JAZF1: variants seen among roughly 807,000 people sequenced by gnomAD.
JAZF1 encodes juxtaposed with another zinc finger protein 1.
In JAZF1, 8 loss-of-function variants were observed where a neutral mutation model predicts 26.4. That is an observed-to-expected ratio of 0.30 (90% CI 0.18 to 0.55). JAZF1 has a LOEUF of 0.55. Among genes scored for constraint, JAZF1 ranks in the 20% least tolerant of loss-of-function variants. The probability of loss-of-function intolerance (pLI) is 0.94; values close to 1 mark genes in which losing one functional copy is unlikely to be tolerated. For missense variants in JAZF1, 199 were observed against 322.0 expected, an observed-to-expected ratio of 0.62 and a Z score of 2.92; for synonymous variants, 126 against 122.3, an observed-to-expected ratio of 1.03 and a Z score of -0.20.
At chr7:27,964,166 A>C (rs1785233768) in intron 2 of JAZF1, among the ~76,000 whole-genome samples, 1 of 152,204 alleles carries the variant, frequency 6.6e-6, no homozygotes, top group Admixed American at 6.5e-5. Flanking sequence ...TTGGAAACTC[A>C]CTGGTAAATA....
intron 2 of JAZF1, among the ~76,000 whole-genome samples, chr7:27,939,027 C>T (rs888287635): frequency 3.3e-5 from 5 of 152,114 alleles, no homozygotes; most frequent in Admixed American, 6.5e-5. Context: ...TGACTGATGC[C>T]GCTTTTGCCA....
At chr7:28,032,312 G>C (rs960027719) in intron 1 of JAZF1, among the ~76,000 whole-genome samples, 7 of 152,082 alleles carry the variant, frequency 4.6e-5, no homozygotes, top group African/African-American at 1.7e-4. Flanking sequence ...CAGAAAATAT[G>C]GACTCTGAAA....
intron 2 of JAZF1, among the ~76,000 whole-genome samples, chr7:27,918,295 GAT>G (rs1784475890): frequency 6.6e-6 from 1 of 152,016 alleles, no homozygotes; most frequent in Non-Finnish European, 1.5e-5. Flanking sequence ...AAAAAATCCT[GAT>G]TACCCTTCAA....
intron 3 of JAZF1, among the ~76,000 whole-genome samples, chr7:27,849,571 G>A (rs1003054656): frequency 3.3e-5 from 5 of 152,102 alleles, no homozygotes; most frequent in African/African-American, 7.2e-5. Flanking sequence ...GACAGCAGCC[G>A]AAAGGGGCCT....
chr7:28,151,435 T>C (rs1783110849), intron 1 of JAZF1, among the ~76,000 whole-genome samples: 1 of 151,954 alleles, frequency 6.6e-6, no homozygotes, highest in African/African-American at 2.4e-5. Flanking sequence ...TGCTTTTCTA[T>C]GTCTTATAAA....
At chr7:27,847,419 G>A (rs906312105) in intron 3 of JAZF1, among the ~76,000 whole-genome samples, 6 of 152,016 alleles carry the variant, frequency 3.9e-5, no homozygotes, top group African/African-American at 1.5e-4. Flanking sequence ...AGAGTTTTAC[G>A]GCTTCAGATC....
At chr7:27,917,637 C>T (rs1784463027) in intron 2 of JAZF1, among the ~76,000 whole-genome samples, 1 of 152,190 alleles carries the variant, frequency 6.6e-6, no homozygotes, top group Non-Finnish European at 1.5e-5. Flanking sequence ...AGCTCTTCTA[C>T]ATGGTCTTTG....
chr7:27,857,867 A>G (rs1422712954), intron 3 of JAZF1, among the ~76,000 whole-genome samples: 1 of 152,230 alleles, frequency 6.6e-6, no homozygotes, highest in Non-Finnish European at 1.5e-5. Context: ...CACCACTCCT[A>G]TTCAACATAC....
chr7:28,141,803 T>C (rs1371702734), intron 1 of JAZF1, among the ~76,000 whole-genome samples: 1 of 152,202 alleles, frequency 6.6e-6, no homozygotes, highest in African/African-American at 2.4e-5. Flanking sequence ...TAATTTCTAG[T>C]ATCTTCATCA....
At chr7:27,901,775 G>A (rs543134389) in intron 2 of JAZF1, among the ~76,000 whole-genome samples, 2 of 152,276 alleles carry the variant, frequency 1.3e-5, no homozygotes, top group East Asian at 1.9e-4. Context: ...ATTCACTTTT[G>A]TGGTCCTAGT....
chr7:28,144,946 T>C (rs950584965), intron 1 of JAZF1, among the ~76,000 whole-genome samples: 2 of 152,180 alleles, frequency 1.3e-5, no homozygotes, highest in African/African-American at 4.8e-5. Context: ...TGGTTGGACT[T>C]TTTCAATTTA....
intron 1 of JAZF1, among the ~76,000 whole-genome samples, chr7:28,098,602 T>G (rs1412262308): frequency 6.6e-6 from 1 of 152,180 alleles, no homozygotes. Context: ...CAGAGTCTCC[T>G]TTATCTAAAG....
chr7:27,854,216 T>G (rs1783203159), intron 3 of JAZF1, among the ~76,000 whole-genome samples: 1 of 152,226 alleles, frequency 6.6e-6, no homozygotes, highest in African/African-American at 2.4e-5. Context: ...TACTTTCCAT[T>G]TGTTTGGTAA....
intron 1 of JAZF1, among the ~76,000 whole-genome samples, chr7:28,097,064 A>T (rs532133553): frequency 6.6e-6 from 1 of 152,310 alleles, no homozygotes; most frequent in Non-Finnish European, 1.5e-5. Context: ...AAGGGTTTTT[A>T]ACTAACTCTT....
intron 2 of JAZF1, among the ~76,000 whole-genome samples, chr7:27,926,382 C>A (rs1007808936): frequency 1.3e-5 from 2 of 152,150 alleles, no homozygotes; most frequent in Admixed American, 6.5e-5. Flanking sequence ...TGAAAAAGAG[C>A]CATTCAGGTC....
At chr7:28,126,613 C>T (rs1023354514) in intron 1 of JAZF1, among the ~76,000 whole-genome samples, 1 of 152,048 alleles carries the variant, frequency 6.6e-6, no homozygotes, top group African/African-American at 2.4e-5. Context: ...GGAAGGGGAG[C>T]GGTGATGATG....
At chr7:27,920,322 T>A (rs1784507220) in intron 2 of JAZF1, among the ~76,000 whole-genome samples, 1 of 152,232 alleles carries the variant, frequency 6.6e-6, no homozygotes, top group South Asian at 2.1e-4. Flanking sequence ...AAGGGAGTCT[T>A]TATTTAGCTT....
intron 2 of JAZF1, among the ~76,000 whole-genome samples, chr7:27,950,383 G>A (rs762532340): frequency 2.6e-5 from 4 of 152,136 alleles, no homozygotes; most frequent in African/African-American, 9.7e-5. Flanking sequence ...CCATAGGCAC[G>A]TTTGGATCCA....
At chr7:27,910,851 G>A (rs1038182471) in intron 2 of JAZF1, among the ~76,000 whole-genome samples, 9 of 152,116 alleles carry the variant, frequency 5.9e-5, no homozygotes, top group African/African-American at 1.9e-4. Flanking sequence ...CAAACCAAGC[G>A]GTTGTTCCCC....
Sources: allele counts gnomAD v4.1 joint callset (sites outside exome capture counted in the v4.1 genomes callset), GRCh38; gene constraint gnomAD v4.1.1; transcripts MANE v1.5; gene names NCBI Gene and HGNC (gene_info 2026-07-23, HGNC 2026-07-21).